Variants in GRID2 observed in about 807,000 individuals in gnomAD.
GRID2 encodes glutamate ionotropic receptor delta type subunit 2.
In GRID2, 33 loss-of-function variants were observed where a neutral mutation model predicts 114.8. The ratio of observed to expected loss-of-function variants is 0.29; its 90% CI spans 0.22 to 0.38. The LOEUF (loss-of-function observed/expected upper bound fraction) is 0.38, where lower values mean the gene tolerates loss of function less well. Among genes scored for constraint, GRID2 ranks in the 10% least tolerant of loss-of-function variants. The pLI, the probability that GRID2 is intolerant of heterozygous loss-of-function variation, is 1.00. For synonymous variants in GRID2, 505 were observed against 449.9 expected (o/e 1.12, Z -1.55); for missense variants, 1,184 against 1,257.7 (o/e 0.94, Z 0.89).
intron 4 of GRID2, among the ~76,000 whole-genome samples, chr4:93,158,580 AATT>A (rs1737390518): frequency 6.6e-6 from 1 of 151,650 alleles, no homozygotes; most frequent in Non-Finnish European, 1.5e-5. Flanking sequence ...TTTTTTTTGT[AATT>A]CTGAACTTCT....
chr4:92,536,946 G>A (rs1233489512), intron 1 of GRID2, among the ~76,000 whole-genome samples: 1 of 152,066 alleles, frequency 6.6e-6, no homozygotes, highest in Admixed American at 6.6e-5. Flanking sequence ...AACATAACAC[G>A]TTCAGGAGAC....
chr4:92,917,447 C>G (rs1257250526), intron 2 of GRID2, among the ~76,000 whole-genome samples: 1 of 152,090 alleles, frequency 6.6e-6, no homozygotes, highest in Non-Finnish European at 1.5e-5. Context: ...TGTCTGTGTC[C>G]TGAATGGTAT....
At chr4:92,811,573 C>A (rs945396169) in intron 2 of GRID2, among the ~76,000 whole-genome samples, 1 of 151,986 alleles carries the variant, frequency 6.6e-6, no homozygotes, top group African/African-American at 2.4e-5. Context: ...TTCTCAAAAA[C>A]AAATTGACTC....
At chr4:93,110,981 G>T (rs781386861) in intron 4 of GRID2, 28 bp downstream of exon 4, 2 of 1,402,000 alleles carry the variant, frequency 1.4e-6, no homozygotes, top group Non-Finnish European at 2.0e-6. Flanking sequence ...TGGGGTGAGA[G>T]TTGTACAAAA....
At chr4:93,039,068 C>CA (rs1411437916) in intron 2 of GRID2, among the ~76,000 whole-genome samples, 1 of 152,008 alleles carries the variant, frequency 6.6e-6, no homozygotes, top group African/African-American at 2.4e-5. Context: ...GGAACCAACC[C>CA]AAATGTCCAT....
chr4:93,444,704 C>T (rs1295939501), intron 10 of GRID2, among the ~76,000 whole-genome samples: 2 of 151,744 alleles, frequency 1.3e-5, no homozygotes, highest in African/African-American at 4.8e-5. Flanking sequence ...GTTAAAAATA[C>T]AAAAGTGACA....
chr4:92,539,604 T>A (rs1725826665), intron 1 of GRID2, among the ~76,000 whole-genome samples: 1 of 152,164 alleles, frequency 6.6e-6, no homozygotes, highest in South Asian at 2.1e-4. Context: ...TTCCAAATGG[T>A]TATATTTAAA....
At chr4:93,532,923 A>G (rs1036905391) in intron 13 of GRID2, among the ~76,000 whole-genome samples, 2 of 152,142 alleles carry the variant, frequency 1.3e-5, no homozygotes, top group Non-Finnish European at 2.9e-5. Flanking sequence ...TACTGTTTGA[A>G]TCAGGAATCT....
intron 1 of GRID2, among the ~76,000 whole-genome samples, chr4:92,502,608 T>C (rs1723739521): frequency 6.6e-6 from 1 of 151,286 alleles, no homozygotes; most frequent in South Asian, 2.1e-4. Flanking sequence ...GATACAAAGA[T>C]ATGTTGTTAT....
intron 2 of GRID2, among the ~76,000 whole-genome samples, chr4:92,598,926 T>G (rs2149217531): frequency 6.6e-6 from 1 of 152,158 alleles, no homozygotes; most frequent in South Asian, 2.1e-4. Flanking sequence ...GAGCCTAACC[T>G]TATTACCTGC....
At chr4:92,542,340 T>C (rs1316527131) in intron 1 of GRID2, among the ~76,000 whole-genome samples, 1 of 152,112 alleles carries the variant, frequency 6.6e-6, no homozygotes, top group Non-Finnish European at 1.5e-5. Context: ...CCTAAACTTT[T>C]CTTGAATGTG....
intron 1 of GRID2, among the ~76,000 whole-genome samples, chr4:92,391,738 C>T (rs1229184946): frequency 6.6e-6 from 1 of 152,178 alleles, no homozygotes; most frequent in Non-Finnish European, 1.5e-5. Context: ...TTCTCACTAA[C>T]TTGATCTTTT....
At chr4:93,400,306 A>T (rs1241851986) in intron 9 of GRID2, among the ~76,000 whole-genome samples, 3 of 152,172 alleles carry the variant, frequency 2.0e-5, no homozygotes, top group Non-Finnish European at 4.4e-5. Context: ...CCACAGAAAT[A>T]TGTCTTAGAA....
At chr4:93,093,967 C>G (rs1040376017) in intron 3 of GRID2, among the ~76,000 whole-genome samples, 2 of 152,024 alleles carry the variant, frequency 1.3e-5, no homozygotes, top group African/African-American at 4.8e-5. Flanking sequence ...ACTCCAAGCT[C>G]TATATCTTCA....
chr4:93,023,375 A>G (rs1353801125), intron 2 of GRID2, among the ~76,000 whole-genome samples: 1 of 151,970 alleles, frequency 6.6e-6, no homozygotes, highest in African/African-American at 2.4e-5. Context: ...AAGATACACA[A>G]TAGATCATGG....
At chr4:93,425,553 C>T (rs1158817652) in intron 10 of GRID2, among the ~76,000 whole-genome samples, 3 of 152,190 alleles carry the variant, frequency 2.0e-5, no homozygotes, top group Admixed American at 6.5e-5. Context: ...CTCTTTAGCA[C>T]GTTTAGCCTT....
At chr4:92,895,780 A>G (rs1747123850) in intron 2 of GRID2, among the ~76,000 whole-genome samples, 2 of 152,148 alleles carry the variant, frequency 1.3e-5, no homozygotes, top group Non-Finnish European at 2.9e-5. Context: ...TATGAACTGA[A>G]GAAACCAGGG....
chr4:93,522,303 G>A lies in GRID2; in HGVS notation c.2193+6892G>A, dbSNP rs184114987. On this transcript the variant is annotated intron_variant, in intron 13 of 15. Transcript: ENST00000282020. ...GGAGATTTGAAGAAAGAGAAAATAG[G>A]AATGGCTGTCCTGGAGAATCAAAGA... 1.1e-3 allele frequency among the ~76,000 whole-genome samples: 172 copies of A among 152,200 alleles called. 1 individual carries two copies. The highest frequency in any genetic ancestry group is 4.0e-3 in the African/African-American group (166 of 41,540).
intron 13 of GRID2, among the ~76,000 whole-genome samples, chr4:93,608,310 A>ATTT (rs1740520428): frequency 1.5e-5 from 1 of 67,310 alleles, no homozygotes; most frequent in African/African-American, 6.0e-5. Context: ...TTTTTTTTTT[A>ATTT]ATTTTTTTTT....
Sources: allele counts gnomAD v4.1 joint callset (sites outside exome capture counted in the v4.1 genomes callset), GRCh38; gene constraint gnomAD v4.1.1; transcripts MANE v1.5; gene names NCBI Gene and HGNC (gene_info 2026-07-23, HGNC 2026-07-21).